PCNX2: variants seen among roughly 807,000 people sequenced by gnomAD.
The protein encoded by PCNX2 is pecanex-like protein 2.
In PCNX2, 168 loss-of-function variants were observed where a neutral mutation model predicts 223.8. The ratio of observed to expected loss-of-function variants is 0.75; its 90% CI spans 0.66 to 0.85. PCNX2 has a LOEUF of 0.85. PCNX2 is among the 40% of genes least tolerant of loss of function. The pLI is 0.00. For synonymous variants in PCNX2, 1,006 were observed against 1,052.6 expected (o/e 0.96, Z 0.86); for missense variants, 2,507 against 2,675.5 (o/e 0.94, Z 1.39).
chr1:233,255,474 G>A (rs1459752798), intron 5 of PCNX2, among the ~76,000 whole-genome samples: 2 of 152,146 alleles, frequency 1.3e-5, no homozygotes, highest in African/African-American at 4.8e-5. Context: ...AGCAAGCTCT[G>A]AATAAATAGA....
intron 12 of PCNX2, among the ~76,000 whole-genome samples, chr1:233,214,184 A>C (rs1681988015): frequency 6.6e-6 from 1 of 152,174 alleles, no homozygotes; most frequent in Non-Finnish European, 1.5e-5. Context: ...CGTATTTTGC[A>C]CAAACACAAA....
At chr1:233,318,270 C>A in the PCNX2 span, among the ~76,000 whole-genome samples, 1 of 152,106 alleles carries the variant, frequency 6.6e-6, no homozygotes, top group South Asian at 2.1e-4. Flanking sequence ...GAAAGTTTTC[C>A]ATTTTTTAAA....
At chr1:233,250,359 T>C (rs1659383233) in intron 8 of PCNX2, among the ~76,000 whole-genome samples, 1 of 152,238 alleles carries the variant, frequency 6.6e-6, no homozygotes, top group South Asian at 2.1e-4. Flanking sequence ...ACAGTTTGCC[T>C]TTATTACTGT....
intron 24 of PCNX2, among the ~76,000 whole-genome samples, chr1:233,056,590 C>A (rs529602193): frequency 1.3e-5 from 2 of 152,030 alleles, no homozygotes; most frequent in African/African-American, 4.8e-5. Flanking sequence ...ATTTTGATTT[C>A]GAATTAATCA....
At position 233,198,966 on chromosome 1, in the gene PCNX2, G is replaced by C. The variant is rs371465775; in HGVS notation, c.3039C>G (p.Leu1013=). ...TCACTGCACTGAAGCAGACTGCGTG[G>C]AGCAGGGCGGCAGCCAAGACGCTCC... The part of the protein sequence containing the change: ...VARSVLAAAL[L]HAVCFSAVKE... Residue 1013 remains leucine, a synonymous_variant, in exon 15 of 34, where the codon CTC becomes CTG. Coordinates refer to ENST00000258229, the MANE Select transcript of PCNX2 (RefSeq NM_014801.4). 12 of 1,606,298 alleles carry C rather than the reference G, an allele frequency of 7.5e-6. No individual in the cohort carries two copies. The highest frequency in any genetic ancestry group is 9.3e-6 in the Non-Finnish European group (11 of 1,176,888).
intron 23 of PCNX2, among the ~76,000 whole-genome samples, chr1:233,061,370 A>G (rs1386530145): frequency 6.6e-6 from 1 of 152,210 alleles, no homozygotes; most frequent in Non-Finnish European, 1.5e-5. Context: ...TAGCTCTTGC[A>G]AAGTCAATGG....
intron 32 of PCNX2, among the ~76,000 whole-genome samples, chr1:232,989,629 G>A (rs1196410445): frequency 1.3e-5 from 2 of 152,176 alleles, no homozygotes; most frequent in Non-Finnish European, 2.9e-5. Context: ...CCTTTCTGCA[G>A]CAAAGGACCC....
At position 233,276,693 on chromosome 1, in the gene PCNX2, T is replaced by C. The variant is rs138806534; in HGVS notation, c.154-13530A>G. Among the ~76,000 whole-genome samples the C allele has an allele frequency of 2.0e-5, 3 of 152,318 alleles. No individual in the cohort carries two copies. In the East Asian group the frequency reaches 5.8e-4, roughly 29 times the overall value. ...ATCTCTCAAGTTCAAATTTCATCCA[T>C]GCAACGTGTTCACTGCCCAGAGTAA... On this transcript the variant is annotated intron_variant, in intron 1 of 33. Transcript: ENST00000258229.
chr1:233,146,655 A>T (rs1052521122), intron 19 of PCNX2, among the ~76,000 whole-genome samples: 9 of 152,210 alleles, frequency 5.9e-5, no homozygotes, highest in Non-Finnish European at 1.0e-4. Context: ...CCTTAGCTAT[A>T]TTCCTGCAAA....
At chr1:233,073,071 T>A (rs531777981) in intron 23 of PCNX2, among the ~76,000 whole-genome samples, 2 of 152,330 alleles carry the variant, frequency 1.3e-5, no homozygotes, top group Non-Finnish European at 2.9e-5. Context: ...ATTATACTTG[T>A]TATATAGTCT....
chr1:233,290,938 G>T (rs1021915832), intron 1 of PCNX2: 14 of 985,316 alleles, frequency 1.4e-5, no homozygotes, highest in Non-Finnish European at 1.7e-5. Context: ...CCGGCATGGG[G>T]TCTTGAAGGA....
At chr1:233,085,333 A>T in intron 23 of PCNX2, among the ~76,000 whole-genome samples, 1 of 21,460 alleles carries the variant, frequency 4.7e-5, no homozygotes, top group East Asian at 5.3e-4. Context: ...CTCCGTCTCA[A>T]AAAAAAAAAA....
chr1:233,153,523 G>C (rs566233134), intron 19 of PCNX2, among the ~76,000 whole-genome samples: 1 of 152,286 alleles, frequency 6.6e-6, no homozygotes, highest in South Asian at 2.1e-4. Context: ...AGTTAAAAAA[G>C]AGCCTGAGTA....
At chr1:232,997,002 G>A (rs927838016) in intron 32 of PCNX2, among the ~76,000 whole-genome samples, 6 of 152,114 alleles carry the variant, frequency 3.9e-5, no homozygotes, top group African/African-American at 9.7e-5. Context: ...CTCTACCTAC[G>A]CTTTTTACAT....
intron 1 of PCNX2, chr1:233,291,927 T>C: frequency 1.0e-6 from 1 of 985,438 alleles, no homozygotes; most frequent in Admixed American, 6.1e-5. Context: ...ATGCCCCTGC[T>C]GTAAAGAAAA....
At chr1:233,111,098 T>C (rs925391731) in intron 21 of PCNX2, among the ~76,000 whole-genome samples, 2 of 152,178 alleles carry the variant, frequency 1.3e-5, no homozygotes, top group Admixed American at 1.3e-4. Context: ...CTTAAAATAT[T>C]TGGCATATCA....
intron 23 of PCNX2, among the ~76,000 whole-genome samples, chr1:233,071,958 T>A (rs1417776933): frequency 6.6e-6 from 1 of 152,262 alleles, no homozygotes; most frequent in Admixed American, 6.5e-5. Context: ...TTGAAAAGTG[T>A]CTGTTCATGT....
At chr1:233,052,599 T>C (rs1406663719) in intron 25 of PCNX2, among the ~76,000 whole-genome samples, 2 of 152,270 alleles carry the variant, frequency 1.3e-5, no homozygotes, top group East Asian at 3.9e-4. Flanking sequence ...GTCATAACAT[T>C]CATTTCATGC....
intron 15 of PCNX2, among the ~76,000 whole-genome samples, chr1:233,182,957 C>A (rs1466645841): frequency 6.6e-6 from 1 of 152,044 alleles, no homozygotes; most frequent in African/African-American, 2.4e-5. Context: ...GCAGAGAGCA[C>A]CTGCCCACAG....
Sources: gnomAD v4.1 joint callset for allele counts (sites outside exome capture counted in the v4.1 genomes callset) on GRCh38, gnomAD v4.1.1 for gene constraint, MANE v1.5 for transcripts, NCBI Gene and HGNC (gene_info 2026-07-23, HGNC 2026-07-21) for gene names.